Variants in SEMA6D observed in about 807,000 individuals in gnomAD.
SEMA6D encodes semaphorin 6D.
A neutral mutation model predicts 106.6 loss-of-function variants in SEMA6D; 35 were observed. The ratio of observed to expected loss-of-function variants is 0.33; its 90% confidence interval spans 0.25 to 0.44. The LOEUF is 0.44. SEMA6D is among the 20% of genes least tolerant of loss of function. The pLI, the probability that SEMA6D is intolerant of heterozygous loss-of-function variation, is 1.00. For missense variants in SEMA6D, 1,185 were observed against 1,345.9 expected, an observed-to-expected ratio of 0.88 and a Z score of 1.87; for synonymous variants, 499 against 487.7, an observed-to-expected ratio of 1.02 and a Z score of -0.31.
chr15:47,481,575 A>G (rs1001889553), intron 3 of SEMA6D, among the ~76,000 whole-genome samples: 2 of 152,118 alleles, frequency 1.3e-5, no homozygotes, highest in Non-Finnish European at 2.9e-5. Flanking sequence ...AACCATTGCA[A>G]TTTCCAGACA....
chr15:47,205,788 C>G (rs940277921), intron 1 of SEMA6D, among the ~76,000 whole-genome samples: 2 of 152,048 alleles, frequency 1.3e-5, no homozygotes, highest in Admixed American at 6.6e-5. Context: ...GTTAGAGATA[C>G]AAGTCCAGCA....
At chr15:47,431,385 C>A (rs1022734622) in intron 2 of SEMA6D, among the ~76,000 whole-genome samples, 1 of 152,108 alleles carries the variant, frequency 6.6e-6, no homozygotes, top group African/African-American at 2.4e-5. Flanking sequence ...AGTTCCCTTC[C>A]CATTTCAAAC....
chr15:47,393,481 A>C (rs954129486), intron 1 of SEMA6D: 1 of 152,230 alleles, frequency 6.6e-6, no homozygotes, highest in Non-Finnish European at 1.5e-5. Context: ...TACAAGAGCC[A>C]TTATCTGTTG....
intron 4 of SEMA6D, among the ~76,000 whole-genome samples, chr15:47,704,957 T>A (rs564876644): frequency 5.3e-5 from 8 of 152,318 alleles, no homozygotes; most frequent in Non-Finnish European, 7.3e-5. Context: ...AAAGTTTTTT[T>A]TAAAAAAGGT....
At chr15:47,700,672 C>G (rs994800108) in intron 4 of SEMA6D, among the ~76,000 whole-genome samples, 1 of 152,070 alleles carries the variant, frequency 6.6e-6, no homozygotes, top group Non-Finnish European at 1.5e-5. Flanking sequence ...CACCTGTAGT[C>G]CTTGGTATTT....
At chr15:47,594,452 G>T (rs1201440357) in intron 3 of SEMA6D, among the ~76,000 whole-genome samples, 1 of 152,188 alleles carries the variant, frequency 6.6e-6, no homozygotes, top group African/African-American at 2.4e-5. Context: ...CAGATAAATT[G>T]TAAGTAGGTA....
At chr15:47,227,882 C>CATATATATTTTATATATATAAGAATCTT (rs1555407333) in intron 1 of SEMA6D, among the ~76,000 whole-genome samples, 22,075 of 99,490 alleles carry the variant, frequency 0.22, 4,701 homozygotes, top group African/African-American at 0.3. Context: ...ATATAAGAAT[C>CATATATATTTTATATATATAAGAATCTT]ATATATATTT....
intron 1 of SEMA6D, among the ~76,000 whole-genome samples, chr15:47,316,649 A>AT (rs34691730): frequency 0.14 from 21,024 of 145,492 alleles, 3,270 homozygotes; most frequent in East Asian, 0.67. Flanking sequence ...GATGTTGCCA[A>AT]TTTTTTTTTC....
intron 2 of SEMA6D, among the ~76,000 whole-genome samples, chr15:47,464,116 T>C (rs1044770753): frequency 6.6e-6 from 1 of 152,146 alleles, no homozygotes; most frequent in African/African-American, 2.4e-5. Context: ...GTTTCAGGGG[T>C]TATGATCTGG....
chr15:47,645,014 A>G (rs1357148351), intron 4 of SEMA6D, among the ~76,000 whole-genome samples: 1 of 152,196 alleles, frequency 6.6e-6, no homozygotes, highest in Non-Finnish European at 1.5e-5. Context: ...GGGCACACAC[A>G]TCTGTTTCCA....
intron 1 of SEMA6D, among the ~76,000 whole-genome samples, chr15:47,283,664 C>T (rs2035233517): frequency 6.6e-6 from 1 of 152,158 alleles, no homozygotes; most frequent in Non-Finnish European, 1.5e-5. Context: ...TACTTTCCCA[C>T]CATGCTAAGA....
intron 4 of SEMA6D, among the ~76,000 whole-genome samples, chr15:47,626,930 G>A (rs754778148): frequency 1.3e-5 from 2 of 152,080 alleles, no homozygotes; most frequent in Non-Finnish European, 2.9e-5. Flanking sequence ...TCATTTGACC[G>A]AGAACAGGAG....
chr15:47,494,048 G>A (rs1373122387), intron 3 of SEMA6D, among the ~76,000 whole-genome samples: 1 of 152,090 alleles, frequency 6.6e-6, no homozygotes, highest in Admixed American at 6.5e-5. Context: ...TTCAAAGTCG[G>A]TTCCATTCCA....
intron 3 of SEMA6D, among the ~76,000 whole-genome samples, chr15:47,570,686 C>G (rs571788460): frequency 6.6e-6 from 1 of 152,166 alleles, no homozygotes; most frequent in Non-Finnish European, 1.5e-5. Context: ...GATCTTCCCT[C>G]CACTACCCGA....
At chr15:47,406,958 A>AAACAAC (rs374147364) in intron 1 of SEMA6D, among the ~76,000 whole-genome samples, 2 of 152,154 alleles carry the variant, frequency 1.3e-5, no homozygotes, top group African/African-American at 4.8e-5. Flanking sequence ...ACAAAAATAA[A>AAACAAC]AACAACAACA....
At chr15:47,241,200 C>G (rs2141764311) in intron 1 of SEMA6D, 1 of 152,226 alleles carries the variant, frequency 6.6e-6, no homozygotes, top group African/African-American at 2.4e-5. Context: ...AGTGTATTTT[C>G]CCACTTACTA....
At chr15:47,397,854 T>C (rs1228543535) in intron 1 of SEMA6D, 1 of 152,202 alleles carries the variant, frequency 6.6e-6, no homozygotes, top group Non-Finnish European at 1.5e-5. Flanking sequence ...TTGTTGAGAT[T>C]TTTTTCCTCT....
At chr15:47,600,198 A>C (rs1206711599) in intron 3 of SEMA6D, among the ~76,000 whole-genome samples, 1 of 152,180 alleles carries the variant, frequency 6.6e-6, no homozygotes, top group Non-Finnish European at 1.5e-5. Context: ...TAACTCAGCA[A>C]TAGCTTTTGC....
At chr15:47,742,935 C>T (rs1399649135) in intron 1 of SEMA6D, among the ~76,000 whole-genome samples, 1 of 152,174 alleles carries the variant, frequency 6.6e-6, no homozygotes, top group East Asian at 1.9e-4. Context: ...CACACTTTTT[C>T]CTCCAAAGAT....
Sources: gnomAD v4.1 joint callset for allele counts (sites outside exome capture counted in the v4.1 genomes callset) on GRCh38, gnomAD v4.1.1 for gene constraint, MANE v1.5 for transcripts, NCBI Gene and HGNC (gene_info 2026-07-23, HGNC 2026-07-21) for gene names.